Variants in ZNF423 observed in about 807,000 individuals in gnomAD.
ZNF423 encodes zinc finger protein 423.
A neutral mutation model predicts 95.8 loss-of-function variants in ZNF423; 12 were observed. The observed-to-expected ratio is 0.13, with a 90% CI of 0.08 to 0.20. ZNF423 has a LOEUF of 0.20. Among genes scored for constraint, ZNF423 ranks in the 10% least tolerant of loss-of-function variants. The probability of loss-of-function intolerance (pLI) is 1.00; values close to 1 mark genes in which losing one functional copy is unlikely to be tolerated. For missense variants in ZNF423, 1,316 were observed against 1,737.1 expected, an observed-to-expected ratio of 0.76 and a Z score of 4.31; for synonymous variants, 749 against 711.9, an observed-to-expected ratio of 1.05 and a Z score of -0.83.
At chr16:49,547,192 T>C (rs1318986432) in intron 5 of ZNF423, among the ~76,000 whole-genome samples, 4 of 152,044 alleles carry the variant, frequency 2.6e-5, no homozygotes, top group African/African-American at 9.7e-5. Flanking sequence ...TTCACATCCA[T>C]TGCAGGGGTT....
intron 5 of ZNF423, among the ~76,000 whole-genome samples, chr16:49,586,312 C>T (rs1012640117): frequency 6.6e-6 from 1 of 152,016 alleles, no homozygotes; most frequent in Non-Finnish European, 1.5e-5. Context: ...TGCTCAGTAT[C>T]CCTGGAATGA....
At chr16:49,738,067 A>T (rs1393318218) in intron 2 of ZNF423, among the ~76,000 whole-genome samples, 1 of 152,178 alleles carries the variant, frequency 6.6e-6, no homozygotes, top group Non-Finnish European at 1.5e-5. Context: ...GACATGCGAC[A>T]AACCAGGGTC....
chr16:49,578,596 C>G (rs531465432), intron 5 of ZNF423, among the ~76,000 whole-genome samples: 1 of 152,320 alleles, frequency 6.6e-6, no homozygotes, highest in African/African-American at 2.4e-5. Flanking sequence ...CTCTCTCCCA[C>G]CTCTTCCTTT....
Position 49,637,173 on chromosome 16 carries a change from C to T in ZNF423, c.2003G>A (p.Arg668Gln), listed in dbSNP as rs200218868. ...HLKLHLELLL[R>Q]KQACPQCKED... ...TTTGCACTGGGGGCACGCTTGCTTCCGCAGCAGCAGCTCCAGGTGCAGCTT... is the reference window on the plus strand; with the variant it reads ...TTTGCACTGGGGGCACGCTTGCTTCTGCAGCAGCAGCTCCAGGTGCAGCTT... Residue 668 changes from arginine (R) to glutamine (Q), a missense_variant, in exon 4 of 8, where the codon CGG (arginine) becomes CAG (glutamine). This residue lies in a region of ZNF423 where 620 missense variants were observed against 775.6 expected (regional missense o/e 0.80). Coordinates refer to ENST00000563137, the MANE Select transcript of ZNF423 (RefSeq NM_001379286.1). This position sits in a 1 kb window ranked among gnomAD's most constrained non-coding sequence, Gnocchi z 5.6. The T allele has an allele frequency of 1.6e-5, 26 of 1,613,788 alleles. No individual in the cohort carries two copies. The highest frequency in any genetic ancestry group is 6.7e-5 in the East Asian group (3 of 44,876).
In ZNF423 at chr16:49,702,490, G is replaced by A. The variant is rs1300381606; in HGVS notation, c.301+28281C>T. Among the ~76,000 whole-genome samples the A allele has an allele frequency of 2.0e-5, 3 of 152,238 alleles. No individual in the cohort carries two copies. In the East Asian group the frequency reaches 5.8e-4, roughly 30 times the overall value. ...GGCTTTACTGAAGGAATCTTGAGGC[G>A]ACCTCACTGATCACTGCAAGGCGTC... On this transcript the variant is annotated intron_variant, in intron 3 of 7. Coordinates refer to ENST00000563137, the MANE Select transcript of ZNF423 (RefSeq NM_001379286.1).
At chr16:49,559,232 A>G (rs963373858) in intron 5 of ZNF423, among the ~76,000 whole-genome samples, 1 of 152,274 alleles carries the variant, frequency 6.6e-6, no homozygotes, top group Non-Finnish European at 1.5e-5. Flanking sequence ...AAAAGGGGCA[A>G]AGCCCTGGGA....
intron 2 of ZNF423, among the ~76,000 whole-genome samples, chr16:49,741,543 G>A (rs772702887): frequency 6.6e-6 from 1 of 151,916 alleles, no homozygotes; most frequent in Non-Finnish European, 1.5e-5. Context: ...GAAATCCACC[G>A]TTCTCTATAA....
At chr16:49,566,389 A>G (rs1306413264) in intron 5 of ZNF423, among the ~76,000 whole-genome samples, 3 of 152,180 alleles carry the variant, frequency 2.0e-5, no homozygotes, top group East Asian at 3.9e-4. Flanking sequence ...CTGCTCCTGG[A>G]GCAGATGGGT....
At chr16:49,556,213 C>A (rs568221328) in intron 5 of ZNF423, among the ~76,000 whole-genome samples, 1 of 152,232 alleles carries the variant, frequency 6.6e-6, no homozygotes, top group Non-Finnish European at 1.5e-5. Context: ...GCAGTCCATG[C>A]AGCTTGCCCA....
Position 49,730,792 on chromosome 16 carries a change from G to T in ZNF423, c.280C>A (p.Arg94=). Residue 94 remains arginine (R), a synonymous_variant, in exon 3 of 8, where the codon CGG becomes AGG. Coordinates refer to ENST00000563137, the MANE Select transcript of ZNF423 (RefSeq NM_001379286.1). ...TTACCTCCAGGACAGCGGTGGGCCC[G>T]GTGGTCCGTCAGGTCTGCCAGAGAC... ...FESLADLTDH[R]AHRCPGDGDD... 1.9e-6 allele frequency: 3 copies of T among 1,614,206 alleles called. No individual in the cohort carries two copies. Among genetic ancestry groups the T allele is most frequent in the Non-Finnish European group, 2.5e-6 (3 of 1,180,036 alleles).
intron 7 of ZNF423, among the ~76,000 whole-genome samples, chr16:49,502,790 G>C (rs1597009410): frequency 7.4e-6 from 1 of 135,236 alleles, no homozygotes; most frequent in South Asian, 2.4e-4. Context: ...AAATACTCTA[G>C]ACACACACAC....
At chr16:49,617,989 A>G (rs1047558139) in intron 5 of ZNF423, among the ~76,000 whole-genome samples, 3 of 152,216 alleles carry the variant, frequency 2.0e-5, no homozygotes, top group African/African-American at 7.2e-5. Context: ...CTCACCATCT[A>G]TGCTGATGCC....
chr16:49,804,846 G>A (rs899117965), intron 1 of ZNF423, among the ~76,000 whole-genome samples: 7 of 151,036 alleles, frequency 4.6e-5, no homozygotes, highest in Non-Finnish European at 7.4e-5. Context: ...CATGGTTCAG[G>A]ACCCAATACC....
At chr16:49,540,031 G>C (rs1351384962) in intron 5 of ZNF423, among the ~76,000 whole-genome samples, 1 of 152,164 alleles carries the variant, frequency 6.6e-6, no homozygotes, top group Non-Finnish European at 1.5e-5. Flanking sequence ...GAGGACCAGT[G>C]AGAGGGGCCA....
Position 49,769,354 on chromosome 16 carries a change from C to CA in ZNF423, c.100+20132dup, listed in dbSNP as rs766407384. Among the ~76,000 whole-genome samples, 300 of 90,398 alleles carry CA rather than the reference C, an allele frequency of 3.3e-3. 1 individual carries two copies. The highest frequency in any genetic ancestry group is 5.3e-3 in the Admixed American group (44 of 8,364). 59.3% of individuals were successfully genotyped at this position (90,398 alleles called of 152,430 possible). A position where few individuals can be genotyped will look rare whatever the true frequency, so the allele number is the denominator to read the frequency against. On this transcript the variant is annotated intron_variant, in intron 2 of 7. Transcript: ENST00000563137. Reference sequence around the variant, plus strand: ...TGGGCAACAGAATGAGACTCTGTCTCAAAAAAAAAAAGAAAAAAAGAAAAG... The same window carrying CA: ...TGGGCAACAGAATGAGACTCTGTCTCAAAAAAAAAAAAGAAAAAAAGAAAAG...
At chr16:49,602,652 G>A (rs933563) in intron 5 of ZNF423, among the ~76,000 whole-genome samples, 88,655 of 152,054 alleles carry the variant, frequency 0.58, 28,310 homozygotes, top group African/African-American at 0.87. Context: ...CAGGCTGGGT[G>A]TGGACCAAAT....
At chr16:49,729,050 A>T (rs2033097942) in intron 3 of ZNF423, among the ~76,000 whole-genome samples, 1 of 152,182 alleles carries the variant, frequency 6.6e-6, no homozygotes, top group South Asian at 2.1e-4. Flanking sequence ...ACCATTCTTA[A>T]AAGTGAGACT....
chr16:49,543,249 A>C (rs1969314284), intron 5 of ZNF423, among the ~76,000 whole-genome samples: 8 of 152,230 alleles, frequency 5.3e-5, no homozygotes, highest in Admixed American at 5.2e-4. Flanking sequence ...GTCTTTCTTC[A>C]TCCCATGTTC....
intron 3 of ZNF423, among the ~76,000 whole-genome samples, chr16:49,716,465 C>T (rs899320499): frequency 3.9e-5 from 6 of 152,156 alleles, no homozygotes; most frequent in Non-Finnish European, 8.8e-5. Flanking sequence ...CCACATGCAC[C>T]CTCATACCCA....
Sources: gnomAD v4.1 joint callset for allele counts (sites outside exome capture counted in the v4.1 genomes callset) on GRCh38, gnomAD v4.1.1 for gene constraint, gnomAD v4.1.1 regional missense constraint, Gnocchi (gnomAD v3.1) non-coding constraint, MANE v1.5 for transcripts, NCBI Gene and HGNC (gene_info 2026-07-23, HGNC 2026-07-21) for gene names.